ARHGAP17: variants seen among roughly 807,000 people sequenced by gnomAD.
The protein encoded by ARHGAP17 is rho GTPase-activating protein 17.
In ARHGAP17, 57 loss-of-function variants were observed where a neutral mutation model predicts 99.5. The ratio of observed to expected loss-of-function variants is 0.57; its 90% CI spans 0.46 to 0.71. The LOEUF is 0.71. Among genes scored for constraint, ARHGAP17 ranks in the 30% least tolerant of loss-of-function variants. The pLI is 0.00. For synonymous variants in ARHGAP17, 417 were observed against 429.6 expected (o/e 0.97, Z 0.36); for missense variants, 1,000 against 1,122.4 (o/e 0.89, Z 1.56).
At chr16:24,937,282 C>T (rs1422707576) in intron 17 of ARHGAP17, among the ~76,000 whole-genome samples, 2 of 151,914 alleles carry the variant, frequency 1.3e-5, no homozygotes, top group African/African-American at 4.8e-5. Flanking sequence ...ATTAGCCAGG[C>T]ATGGTGGTCC....
At chr16:24,963,059 C>T (rs1487884040) in intron 7 of ARHGAP17, among the ~76,000 whole-genome samples, 2 of 152,176 alleles carry the variant, frequency 1.3e-5, no homozygotes, top group African/African-American at 2.4e-5. Context: ...ATGATGACTT[C>T]CTAAACCTCT....
chr16:24,941,771 C>A (rs35078827), intron 16 of ARHGAP17: 43 of 595,954 alleles, frequency 7.2e-5, no homozygotes, highest in Admixed American at 5.0e-4. Context: ...CTGGAATACA[C>A]GTGGAAGAAA....
chr16:24,949,338 A>G, intron 13 of ARHGAP17, 66 bp downstream of exon 13: 1 of 1,311,846 alleles, frequency 7.6e-7, no homozygotes, highest in Non-Finnish European at 1.1e-6. Flanking sequence ...CCTGAATTAA[A>G]TGACTTCTCT....
chr16:24,993,741 C>A (rs75604777), intron 1 of ARHGAP17, among the ~76,000 whole-genome samples: 2,430 of 152,222 alleles, frequency 0.016, 62 homozygotes, highest in African/African-American at 0.055. Flanking sequence ...ACCTTCGAGG[C>A]CATGGACCAA....
At chr16:25,002,696 A>T (rs887850968) in intron 1 of ARHGAP17, among the ~76,000 whole-genome samples, 2 of 152,138 alleles carry the variant, frequency 1.3e-5, no homozygotes, top group African/African-American at 4.8e-5. Flanking sequence ...TTGTTTGAGG[A>T]TTATTATGAA....
intron 10 of ARHGAP17, among the ~76,000 whole-genome samples, chr16:24,953,919 G>A (rs1323397964): frequency 1.3e-5 from 2 of 152,090 alleles, no homozygotes; most frequent in African/African-American, 4.8e-5. Flanking sequence ...CTTCCGGGAT[G>A]TTCTTTGATC....
At chr16:24,988,921 G>A (rs927232139) in intron 1 of ARHGAP17, among the ~76,000 whole-genome samples, 3 of 152,194 alleles carry the variant, frequency 2.0e-5, no homozygotes, top group Non-Finnish European at 2.9e-5. Context: ...TGGACCTGGA[G>A]GCAGCTGAGT....
At chr16:24,938,787 A>G (rs7196469) in intron 17 of ARHGAP17, among the ~76,000 whole-genome samples, 8,511 of 151,642 alleles carry the variant, frequency 0.056, 802 homozygotes, top group African/African-American at 0.19. Context: ...AAAAAAAAAA[A>G]AAAAGAAAAA....
chr16:25,002,141 T>C (rs2141485542), intron 1 of ARHGAP17, among the ~76,000 whole-genome samples: 1 of 151,158 alleles, frequency 6.6e-6, no homozygotes, highest in East Asian at 1.9e-4. Context: ...ATCAATGGAA[T>C]AGAATAGAAA....
intron 2 of ARHGAP17, among the ~76,000 whole-genome samples, chr16:24,977,731 C>T (rs895859188): frequency 1.3e-5 from 2 of 152,034 alleles, no homozygotes; most frequent in Admixed American, 6.6e-5. Context: ...TTTAAATAAA[C>T]CTCTAAAGCA....
intron 15 of ARHGAP17, among the ~76,000 whole-genome samples, chr16:24,943,307 A>G (rs2051368723): frequency 6.6e-6 from 1 of 152,244 alleles, no homozygotes; most frequent in South Asian, 2.1e-4. Context: ...TAGAGAAACA[A>G]GCCCTCTTCC....
Position 24,964,211 on chromosome 16 carries a change from C to G in ARHGAP17, c.559G>C (p.Val187Leu), listed in dbSNP as rs1383813364. ...AATTCTCATACCTTGCACTGTTCTA[C>G]TTTATTTCCAGCTTCATCCATCTCT... ...KEEMDEAGNK[V>L]EQCKDQLAAD... The change falls in exon 7 of 20, where the codon GTA becomes CTA. Residue 187 changes from valine to leucine, a missense_variant. Physicochemically the swap from Val to Leu is conservative, Grantham distance 32. Coordinates refer to ENST00000289968, the MANE Select transcript of ARHGAP17 (RefSeq NM_001006634.3). 6.2e-7 allele frequency: 1 copy of G among 1,611,758 alleles called. No homozygotes were observed. Among genetic ancestry groups the G allele is most frequent in the African/African-American group, 1.3e-5 (1 of 74,838 alleles).
At chr16:24,993,586 C>T (rs1313885733) in intron 1 of ARHGAP17, among the ~76,000 whole-genome samples, 1 of 125,128 alleles carries the variant, frequency 8.0e-6, no homozygotes, top group Non-Finnish European at 1.7e-5. Context: ...GAGACTCTGT[C>T]TCAAAAAAAA....
intron 15 of ARHGAP17, among the ~76,000 whole-genome samples, chr16:24,943,076 G>A (rs1431383100): frequency 6.6e-6 from 1 of 152,204 alleles, no homozygotes; most frequent in Non-Finnish European, 1.5e-5. Flanking sequence ...GGAAGTAGGT[G>A]TGGGGGATCC....
chr16:24,954,778 T>TA, intron 9 of ARHGAP17, 48 bp from the exon 10 acceptor site: 1 of 1,603,734 alleles, frequency 6.2e-7, no homozygotes, highest in Non-Finnish European at 8.5e-7. Flanking sequence ...CTCACGGCAT[T>TA]ACCAAGCTAT....
chr16:25,000,448 G>C (rs1321891613), intron 1 of ARHGAP17, among the ~76,000 whole-genome samples: 1 of 152,176 alleles, frequency 6.6e-6, no homozygotes, highest in East Asian at 1.9e-4. Context: ...AGGCTTTCTT[G>C]AGCTGCCGAC....
At chr16:25,003,164 A>AT (rs1380307200) in intron 1 of ARHGAP17, among the ~76,000 whole-genome samples, 2 of 149,226 alleles carry the variant, frequency 1.3e-5, no homozygotes, top group African/African-American at 4.9e-5. Flanking sequence ...AAAATTGTCT[A>AT]TTTGGGGCAA....
intron 6 of ARHGAP17, 114 bp downstream of exon 6, chr16:24,968,233 CCAGT>C: frequency 8.5e-7 from 1 of 1,174,650 alleles, no homozygotes. Context: ...AGGCTGGCAC[CCAGT>C]CTGGGGGTCA....
intron 1 of ARHGAP17, among the ~76,000 whole-genome samples, chr16:25,006,485 G>A (rs2053511235): frequency 6.6e-6 from 1 of 151,682 alleles, no homozygotes; most frequent in South Asian, 2.1e-4. Flanking sequence ...TAATCAAAGA[G>A]GCAGAATTTC....
Sources: allele counts gnomAD v4.1 joint callset (sites outside exome capture counted in the v4.1 genomes callset), GRCh38; gene constraint gnomAD v4.1.1; transcripts MANE v1.5; gene names NCBI Gene and HGNC (gene_info 2026-07-23, HGNC 2026-07-21).